The following MMP26 variants were observed in gnomAD, a reference collection of about 807,000 sequenced individuals.
MMP26 encodes matrix metalloproteinase-26.
Under a neutral mutation model 31.0 loss-of-function variants are expected in MMP26, and 33 were observed. The ratio of observed to expected loss-of-function variants is 1.06; its 90% confidence interval spans 0.81 to 1.42. The LOEUF (loss-of-function observed/expected upper bound fraction) is 1.42, where lower values mean the gene tolerates loss of function less well. Among genes scored for constraint, MMP26 ranks in the 40% most tolerant of loss-of-function variants. The pLI is 0.00. For missense variants in MMP26, 347 were observed against 316.1 expected (o/e 1.10, Z -0.74); for synonymous variants, 122 against 114.9 (o/e 1.06, Z -0.40).
intron 2 of MMP26, chr11:4,821,277 C>T (rs11034074): frequency 0.084 from 77,502 of 921,204 alleles, 3,908 homozygotes; most frequent in Middle Eastern, 0.11. Context: ...CTCTGGGAAG[C>T]TAAAAAGAAA....
At position 4,769,560 on chromosome 11, in the gene MMP26, T is replaced by G. The variant is rs752497141; in HGVS notation, c.-145+2219T>G. On this transcript the variant is annotated intron_variant, in intron 2 of 7. Coordinates refer to ENST00000380390, the MANE Select transcript of MMP26 (RefSeq NM_021801.5). The stretch of plus-strand genomic sequence containing the variant: ...ATGGCCACATAACGGTCAAAGGCTG[T>G]AGCCACCAGCACTCCAGATTCCATA... 3 of 1,613,236 alleles carry G rather than the reference T, an allele frequency of 1.9e-6. No individual in the cohort carries two copies. The highest frequency in any genetic ancestry group is 1.7e-4 in the Middle Eastern group (1 of 6,060).
At chr11:4,941,955 C>T (rs1433156663) in intron 2 of MMP26, among the ~76,000 whole-genome samples, 1 of 151,116 alleles carries the variant, frequency 6.6e-6, no homozygotes, top group African/African-American at 2.4e-5. Flanking sequence ...CGTGGTGGCG[C>T]ATGCCTGTAG....
At chr11:4,822,278 C>G in intron 2 of MMP26, 1 of 1,559,738 alleles carries the variant, frequency 6.4e-7, no homozygotes, top group Non-Finnish European at 8.7e-7. Flanking sequence ...CTGCTAATCC[C>G]TCCTGTGCTC....
intron 1 of MMP26, chr11:4,723,050 T>C: frequency 8.7e-7 from 1 of 1,153,164 alleles, no homozygotes; most frequent in Non-Finnish European, 1.3e-6. Context: ...CAGTTTGACT[T>C]TCATCAGCTC....
chr11:4,821,871 G>A (rs1484244867), intron 2 of MMP26: 4 of 1,613,842 alleles, frequency 2.5e-6, no homozygotes, highest in African/African-American at 1.3e-5. Context: ...GGATGAGCAT[G>A]TTGATAAGAA....
chr11:4,874,125 G>A (rs994810723), intron 2 of MMP26, among the ~76,000 whole-genome samples: 5 of 152,056 alleles, frequency 3.3e-5, no homozygotes, highest in African/African-American at 1.2e-4. Context: ...ATTTTCTGCA[G>A]CGATGAAACT....
In MMP26 at chr11:4,825,297, T is replaced by C. The variant is rs1177299540; in HGVS notation, c.-145+57956T>C. 3.3e-5 allele frequency among the ~76,000 whole-genome samples: 5 copies of C among 152,324 alleles called. No homozygotes were observed. In the East Asian group the frequency reaches 7.7e-4, roughly 24 times the overall value. On this transcript the variant is annotated intron_variant, in intron 2 of 7. Coordinates refer to ENST00000380390, the MANE Select transcript of MMP26 (RefSeq NM_021801.5). ...GAGGATCTCATCATTTTCCCATTAC[T>C]GTATTTCTAGTCTTTTTCAAGGTTT...
intron 2 of MMP26, chr11:4,860,049 A>G: frequency 2.1e-6 from 1 of 471,148 alleles, no homozygotes; most frequent in Non-Finnish European, 4.4e-6. Context: ...AGACATTGGA[A>G]TGGCAGAAGG....
intron 1 of MMP26, among the ~76,000 whole-genome samples, chr11:4,735,161 G>A (rs1038623754): frequency 6.6e-6 from 1 of 152,214 alleles, no homozygotes; most frequent in Non-Finnish European, 1.5e-5. Context: ...TAGCTGTGGG[G>A]AAGGGAAGGG....
intron 2 of MMP26, among the ~76,000 whole-genome samples, chr11:4,928,606 T>A (rs1424014834): frequency 6.6e-6 from 1 of 152,172 alleles, no homozygotes; most frequent in Non-Finnish European, 1.5e-5. Context: ...TTTATACTTG[T>A]CTTGGTTTCC....
In MMP26 at chr11:4,792,931, A is replaced by G. The variant is rs543467952; in HGVS notation, c.-145+25590A>G. Among the ~76,000 whole-genome samples, 3 of 152,338 alleles carry G rather than the reference A, an allele frequency of 2.0e-5. No individual in the cohort carries two copies. In the East Asian group the frequency reaches 5.8e-4, roughly 29 times the overall value. On this transcript the variant is annotated intron_variant, in intron 2 of 7. Transcript: ENST00000380390. The stretch of plus-strand genomic sequence containing the variant: ...ATGTTTTATTTTATTATTGCTCTAT[A>G]AAATGAGCATATTCTCTTACGTTTG...
intron 2 of MMP26, chr11:4,832,828 G>C (rs1358853107): frequency 1.1e-5 from 2 of 174,854 alleles, no homozygotes; most frequent in Non-Finnish European, 2.5e-5. Context: ...GCATCCCATG[G>C]GGAGTGCCTC....
chr11:4,708,652 C>G (rs2133263181), intron 1 of MMP26, among the ~76,000 whole-genome samples: 1 of 152,242 alleles, frequency 6.6e-6, no homozygotes, highest in East Asian at 1.9e-4. Context: ...AGACAAGAAG[C>G]AATATACAGA....
At chr11:4,803,935 G>T in intron 2 of MMP26, 1 of 1,613,386 alleles carries the variant, frequency 6.2e-7, no homozygotes, top group Non-Finnish European at 8.5e-7. Flanking sequence ...CATCACGATG[G>T]TCCCCAGTTT....
chr11:4,767,635 C>T (rs549724646), intron 2 of MMP26, among the ~76,000 whole-genome samples: 10 of 152,206 alleles, frequency 6.6e-5, no homozygotes, highest in African/African-American at 2.2e-4. Flanking sequence ...TTTACCAGTT[C>T]ACATGGTATA....
At chr11:4,895,860 G>A (rs753537953) in intron 2 of MMP26, among the ~76,000 whole-genome samples, 3 of 152,154 alleles carry the variant, frequency 2.0e-5, no homozygotes, top group Non-Finnish European at 1.5e-5. Context: ...TAATCTGGGG[G>A]AAGCTATGAT....
intron 2 of MMP26, chr11:4,915,247 G>A: frequency 6.2e-7 from 1 of 1,613,990 alleles, no homozygotes; most frequent in South Asian, 1.1e-5. Flanking sequence ...TGGTGAGAAT[G>A]GAAACATAGT....
rs915382081 is a variant in MMP26 at position 4,817,094 on chromosome 11, T to G, written c.-145+49753T>G. ...TAATTATTTAATTATATTTTAATAATTTTTTTGTTGCTTTTGAAGTTCGAA... is the reference window on the plus strand; with the variant it reads ...TAATTATTTAATTATATTTTAATAAGTTTTTTGTTGCTTTTGAAGTTCGAA... On this transcript the variant is annotated intron_variant, in intron 2 of 7. Coordinates refer to ENST00000380390, the MANE Select transcript of MMP26 (RefSeq NM_021801.5). Among the ~76,000 whole-genome samples the G allele has an allele frequency of 6.8e-5, 9 of 133,050 alleles. 1 individual carries two copies. The highest frequency in any genetic ancestry group is 1.1e-4 in the Non-Finnish European group (6 of 56,070). 87.3% of individuals were successfully genotyped at this position (133,050 alleles called of 152,430 possible).
intron 2 of MMP26, among the ~76,000 whole-genome samples, chr11:4,966,411 G>A (rs1846595836): frequency 6.6e-6 from 1 of 152,222 alleles, no homozygotes; most frequent in East Asian, 1.9e-4. Context: ...CATCATCGGG[G>A]GAATGGTAGA....
Sources: allele counts gnomAD v4.1 joint callset (sites outside exome capture counted in the v4.1 genomes callset), GRCh38; gene constraint gnomAD v4.1.1; transcripts MANE v1.5; gene names NCBI Gene and HGNC (gene_info 2026-07-23, HGNC 2026-07-21).